The following EPHA6 variants were observed in gnomAD, a reference collection of about 807,000 sequenced individuals.
The protein encoded by EPHA6 is EPH receptor A6.
In EPHA6, 50 loss-of-function variants were observed where a neutral mutation model predicts 112.0. That is an observed-to-expected ratio of 0.45 (90% CI 0.36 to 0.56). The LOEUF (loss-of-function observed/expected upper bound fraction) is 0.56. Among genes scored for constraint, EPHA6 ranks in the 20% least tolerant of loss-of-function variants. The pLI is 0.00. For missense variants in EPHA6, 1,280 were observed against 1,417.4 expected, an observed-to-expected ratio of 0.90 and a Z score of 1.56; for synonymous variants, 529 against 490.7, an observed-to-expected ratio of 1.08 and a Z score of -1.03.
intron 13 of EPHA6, among the ~76,000 whole-genome samples, chr3:97,631,327 C>T (rs2093900922): frequency 6.6e-6 from 1 of 151,896 alleles, no homozygotes; most frequent in Non-Finnish European, 1.5e-5. Context: ...CCTCTAGCAA[C>T]ACAAAAATGG....
At chr3:97,525,394 C>A (rs963684727) in intron 10 of EPHA6, among the ~76,000 whole-genome samples, 1 of 152,036 alleles carries the variant, frequency 6.6e-6, no homozygotes, top group African/African-American at 2.4e-5. Context: ...ATGCATTGTT[C>A]TCCTTATTTC....
chr3:97,447,930 A>T lies in EPHA6; in HGVS notation c.1732-638A>T, dbSNP rs566248791. 114 of 295,026 alleles carry T rather than the reference A, an allele frequency of 3.9e-4. 1 individual carries two copies. Among genetic ancestry groups the T allele is most frequent in the African/African-American group, 2.5e-3 (111 of 44,470 alleles). The allele number at this position is 295,026 out of a possible 1,614,324, so 18.3% of individuals were successfully genotyped here. On this transcript the variant is annotated intron_variant, in intron 6 of 17. Transcript: ENST00000389672. The stretch of plus-strand genomic sequence containing the variant: ...GTCACTATGTAACTAGTATATGTTT[A>T]AAAATAAGCTATATTTAGGGGAGGA...
chr3:97,376,165 A>G (rs2085338248), intron 5 of EPHA6, among the ~76,000 whole-genome samples: 1 of 152,214 alleles, frequency 6.6e-6, no homozygotes, highest in Admixed American at 6.5e-5. Context: ...TATCATATGT[A>G]AGTTATACTT....
At chr3:96,862,282 C>T (rs1436360070) in intron 1 of EPHA6, among the ~76,000 whole-genome samples, 1 of 151,806 alleles carries the variant, frequency 6.6e-6, no homozygotes, top group Non-Finnish European at 1.5e-5. Context: ...GTTAGTGGAA[C>T]ATAGAACCAT....
intron 11 of EPHA6, among the ~76,000 whole-genome samples, chr3:97,569,000 C>G (rs2107210784): frequency 6.6e-6 from 1 of 152,268 alleles, no homozygotes; most frequent in South Asian, 2.1e-4. Context: ...ATATTGAAAA[C>G]AGTCAGACAC....
At chr3:97,400,119 A>G (rs1167724200) in intron 5 of EPHA6, among the ~76,000 whole-genome samples, 2 of 151,690 alleles carry the variant, frequency 1.3e-5, no homozygotes, top group African/African-American at 2.4e-5. Context: ...ATTTTTGTAT[A>G]TGGTGAGAGA....
At position 97,368,218 on chromosome 3, in the gene EPHA6, T is replaced by C. The variant is rs1044217788; in HGVS notation, c.1607-36932T>C. Among the ~76,000 whole-genome samples the C allele has an allele frequency of 3.9e-5, 6 of 152,306 alleles. No individual in the cohort carries two copies. The South Asian group carries it at 1.2e-3, about 32-fold the overall frequency. ...CTTAACAGGAAAACCTTTTAATTTCTATGGTCTTAGTTGTGTTTTATTATT... is the reference window on the plus strand; with the variant it reads ...CTTAACAGGAAAACCTTTTAATTTCCATGGTCTTAGTTGTGTTTTATTATT... On this transcript the variant is annotated intron_variant, in intron 5 of 17. Coordinates refer to ENST00000389672, the MANE Select transcript of EPHA6 (RefSeq NM_001080448.3).
chr3:97,213,154 G>C (rs568511810), intron 3 of EPHA6, among the ~76,000 whole-genome samples: 1 of 152,110 alleles, frequency 6.6e-6, no homozygotes, highest in Non-Finnish European at 1.5e-5. Flanking sequence ...CATGTTCTCC[G>C]GGTAGTTTCT....
At chr3:96,913,316 A>G (rs1046044073) in intron 2 of EPHA6, among the ~76,000 whole-genome samples, 1 of 151,806 alleles carries the variant, frequency 6.6e-6, no homozygotes, top group Non-Finnish European at 1.5e-5. Flanking sequence ...AATGCAGCGA[A>G]CTATGATTGT....
At chr3:97,464,220 G>C (rs1204405953) in intron 7 of EPHA6, among the ~76,000 whole-genome samples, 2 of 152,052 alleles carry the variant, frequency 1.3e-5, no homozygotes, top group Admixed American at 1.3e-4. Context: ...TTTGGGTCAG[G>C]TCTCTGTCGG....
At chr3:97,085,923 G>T (rs2046878496) in intron 3 of EPHA6, among the ~76,000 whole-genome samples, 1 of 106,806 alleles carries the variant, frequency 9.4e-6, no homozygotes, top group African/African-American at 8.2e-5. Context: ...TTATATATAT[G>T]ATGTCATATA....
intron 7 of EPHA6, among the ~76,000 whole-genome samples, chr3:97,450,818 T>C (rs2090503370): frequency 6.6e-6 from 1 of 152,038 alleles, no homozygotes; most frequent in Non-Finnish European, 1.5e-5. Context: ...TTTCAGTCTG[T>C]ATTTCTGTGA....
chr3:97,021,274 G>GT (rs1389152608), intron 3 of EPHA6, among the ~76,000 whole-genome samples: 1 of 151,966 alleles, frequency 6.6e-6, no homozygotes, highest in Non-Finnish European at 1.5e-5. Context: ...CTTTTGCTTC[G>GT]TTTTATCTTT....
intron 14 of EPHA6, among the ~76,000 whole-genome samples, chr3:97,705,022 A>G (rs1325112402): frequency 1.3e-5 from 2 of 152,194 alleles, no homozygotes; most frequent in Non-Finnish European, 2.9e-5. Flanking sequence ...AAACCAAACA[A>G]AAATGAAAAT....
At chr3:97,716,117 A>G (rs1024955686) in intron 14 of EPHA6, among the ~76,000 whole-genome samples, 5 of 152,342 alleles carry the variant, frequency 3.3e-5, no homozygotes, top group Non-Finnish European at 5.9e-5. Context: ...CTATTTGTTC[A>G]TTCCCGAAAC....
intron 14 of EPHA6, among the ~76,000 whole-genome samples, chr3:97,679,068 C>G (rs138036140): frequency 3.2e-4 from 49 of 152,218 alleles, no homozygotes; most frequent in African/African-American, 1.2e-3. Flanking sequence ...TTATATTAGT[C>G]AAAATAATTC....
chr3:97,632,401 C>T (rs1483661001), intron 13 of EPHA6, among the ~76,000 whole-genome samples: 2 of 152,026 alleles, frequency 1.3e-5, no homozygotes, highest in African/African-American at 4.8e-5. Flanking sequence ...AAAACACATA[C>T]ATATTTGGTT....
intron 3 of EPHA6, among the ~76,000 whole-genome samples, chr3:97,074,607 A>G (rs867186716): frequency 6.2e-4 from 94 of 152,138 alleles, no homozygotes; most frequent in African/African-American, 2.1e-3. Flanking sequence ...AAATGAATCC[A>G]ATAGAAACGT....
At chr3:96,964,326 G>A (rs1057376470) in intron 2 of EPHA6, among the ~76,000 whole-genome samples, 3 of 152,178 alleles carry the variant, frequency 2.0e-5, no homozygotes, top group South Asian at 2.1e-4. Context: ...TATTATCATC[G>A]GTCTATGCAA....
Sources: allele counts gnomAD v4.1 joint callset (sites outside exome capture counted in the v4.1 genomes callset), GRCh38; gene constraint gnomAD v4.1.1; transcripts MANE v1.5; gene names NCBI Gene and HGNC (gene_info 2026-07-23, HGNC 2026-07-21).